Variants in PHF8 observed in about 807,000 individuals in gnomAD.
PHF8 encodes PHD finger protein 8, also known as histone lysine demethylase PHF8.
Under a neutral mutation model 74.4 loss-of-function variants are expected in PHF8, and 9 were observed. That is an observed-to-expected ratio of 0.12 (90% CI 0.07 to 0.21). PHF8 has a LOEUF of 0.21. PHF8 is among the 10% of genes least tolerant of loss of function. The pLI is 1.00. For synonymous variants in PHF8, 311 were observed against 316.6 expected, an observed-to-expected ratio of 0.98 and a Z score of 0.19; for missense variants, 478 against 816.6, an observed-to-expected ratio of 0.59 and a Z score of 5.05.
At chrX:53,948,281 C>T (rs782276713) in intron 19 of PHF8, among the ~76,000 whole-genome samples, 26 of 111,676 alleles carry the variant, frequency 2.3e-4, no homozygotes, top group Admixed American at 4.7e-4. Flanking sequence ...CGGGGAATGG[C>T]GGATGTCCTT....
At chrX:54,047,267 A>T (rs2066638826), upstream of PHF8, among the ~76,000 whole-genome samples, 1 of 112,064 alleles carries the variant, frequency 8.9e-6, no homozygotes, top group Non-Finnish European at 1.9e-5. Context: ...CAGATGAGTG[A>T]GTGAAAGGGG....
chrX:53,962,809 C>T (rs369459642), intron 19 of PHF8, 35 bp downstream of exon 19: 1 of 793,289 alleles, frequency 1.3e-6, no homozygotes, highest in African/African-American at 2.1e-5. Flanking sequence ...TCCTGACCAC[C>T]CCTACAGAGT....
intron 12 of PHF8, 39 bp from the exon 13 acceptor site, chrX:53,993,942 T>C: frequency 9.9e-7 from 1 of 1,011,185 alleles, no homozygotes; most frequent in Non-Finnish European, 1.4e-6. Flanking sequence ...TAGAGCTTAC[T>C]CAAGGGTTCT....
At position 53,987,810 on chromosome X, in the gene PHF8, T is replaced by C. The variant is rs2149831744; in HGVS notation, c.1865A>G (p.Asp622Gly). Residue 622 changes from aspartate (D) to glycine (G), a missense_variant, in exon 15 of 22, where the codon GAC becomes GGC. Asp to Gly is a moderately conservative substitution (Grantham distance 94). Around this residue, in one of 9 missense-constraint regions of PHF8, gnomAD observed 153 missense variants for 164.8 expected, o/e 0.93. Coordinates refer to ENST00000338154, the MANE Select transcript of PHF8 (RefSeq NM_015107.3). ...DLDSDDELQI[D>G]ERLGKEKATL... ...CGCCTTCTCCTTTCCCAATCTCTCG[T>C]CAATCTGCAGCTCATCATCTGAATC... is the stretch of plus-strand genomic sequence containing the variant. 6 of 1,208,558 alleles carry C rather than the reference T, an allele frequency of 5.0e-6. No individual in the cohort carries two copies. In the South Asian group the frequency reaches 1.1e-4, roughly 21 times the overall value.
At chrX:54,045,012 T>A, upstream of PHF8, 1 of 641,498 alleles carries the variant, frequency 1.6e-6, no homozygotes, top group Non-Finnish European at 2.5e-6. Context: ...GCCAAGTGAC[T>A]TGAGTCCCGG....
chrX:54,007,656 A>G (rs1280189631), intron 8 of PHF8, among the ~76,000 whole-genome samples: 9 of 112,466 alleles, frequency 8.0e-5, no homozygotes, highest in African/African-American at 2.9e-4. Flanking sequence ...AAGATGTTAA[A>G]CATCAAAGGT....
intron 2 of PHF8, among the ~76,000 whole-genome samples, chrX:54,036,925 G>A (rs782172722): frequency 1.8e-3 from 195 of 106,476 alleles, no homozygotes; most frequent in African/African-American, 6.1e-3. Context: ...ACTTGAACCC[G>A]GGAGGTGGAG....
intron 2 of PHF8, among the ~76,000 whole-genome samples, chrX:54,040,958 G>A (rs916296168): frequency 1.8e-5 from 2 of 111,911 alleles, no homozygotes; most frequent in East Asian, 2.8e-4. Flanking sequence ...ACTCTGTGCC[G>A]GGCACACAAT....
chrX:53,944,324 A>G, intron 19 of PHF8, 81 bp from the exon 20 acceptor site: 1 of 708,542 alleles, frequency 1.4e-6, no homozygotes. Context: ...CAAGCTCTCC[A>G]AAGGTACTCT....
At chrX:53,972,321 CAAAAAAAAA>C (rs1236817498) in intron 18 of PHF8, among the ~76,000 whole-genome samples, 2 of 34,163 alleles carry the variant, frequency 5.9e-5, no homozygotes, top group East Asian at 1.0e-3. Flanking sequence ...GACGCTGTCT[CAAAAAAAAA>C]AAAAAAAAAA....
At chrX:54,020,777 T>TG (rs201776890) in intron 4 of PHF8, among the ~76,000 whole-genome samples, 1 of 103,304 alleles carries the variant, frequency 9.7e-6, no homozygotes, top group African/African-American at 3.5e-5. Context: ...TGAAAAGAAG[T>TG]AAAAAAAAAA....
At chrX:53,985,419 G>C (rs186390416) in intron 17 of PHF8, among the ~76,000 whole-genome samples, 192 bp from the exon 18 acceptor site, 3 of 111,316 alleles carry the variant, frequency 2.7e-5, no homozygotes, top group Non-Finnish European at 5.7e-5. Context: ...TTGCTTTCAC[G>C]AAAAGCCAGT....
Position 54,043,857 on chromosome X carries a change from T to C in PHF8, c.-188A>G. 1 of 753,638 alleles carries C rather than the reference T, an allele frequency of 1.3e-6. No homozygotes were observed. Among genetic ancestry groups the C allele is most frequent in the Non-Finnish European group, 1.6e-6 (1 of 638,380 alleles). 62.1% of individuals were successfully genotyped at this position (753,638 alleles called of 1,213,427 possible). A position where few individuals can be genotyped will look rare whatever the true frequency, so the allele number is the denominator to read the frequency against. On this transcript the variant is annotated 5_prime_UTR_variant, in exon 1 of 22. It removes an upstream start codon present in the reference 5' UTR. Coordinates refer to ENST00000338154, the MANE Select transcript of PHF8 (RefSeq NM_015107.3). ...CCAGAATCCTACAGGGACCTCCTCA[T>C]GCTTTGGGCTGCAAGGACTCCACGC...
chrX:54,012,095 CTTTGTT>C (rs1228262549), intron 7 of PHF8, among the ~76,000 whole-genome samples: 1 of 110,585 alleles, frequency 9.0e-6, no homozygotes, highest in Non-Finnish European at 1.9e-5. Flanking sequence ...AAGACTTTGT[CTTTGTT>C]TTTAAGACAA....
chrX:54,040,829 T>G (rs781846432), intron 2 of PHF8, among the ~76,000 whole-genome samples: 1 of 112,212 alleles, frequency 8.9e-6, no homozygotes, highest in South Asian at 3.7e-4. Flanking sequence ...TGATCAGCAC[T>G]AGCAAAGACA....
intron 11 of PHF8, 52 bp downstream of exon 11, chrX:53,999,818 G>T: frequency 1.3e-6 from 1 of 774,004 alleles, no homozygotes; most frequent in Non-Finnish European, 2.0e-6. Context: ...CCCAAATCCA[G>T]TCCCTACAAA....
chrX:54,031,534 G>A (rs1262457809), intron 2 of PHF8, among the ~76,000 whole-genome samples: 4 of 107,768 alleles, frequency 3.7e-5, no homozygotes, highest in Non-Finnish European at 5.7e-5. Flanking sequence ...ATGCACCAAC[G>A]GAATAACTTC....
intron 18 of PHF8, among the ~76,000 whole-genome samples, chrX:53,967,378 C>T (rs1748126676): frequency 1.8e-5 from 2 of 108,624 alleles, no homozygotes; most frequent in Admixed American, 9.4e-5. Context: ...GGGTCAGCCC[C>T]CCGCCCGGCC....
chrX:54,026,189 A>G (rs1425124689), intron 2 of PHF8, among the ~76,000 whole-genome samples: 1 of 109,888 alleles, frequency 9.1e-6, no homozygotes, highest in Non-Finnish European at 1.9e-5. Context: ...CCCCATCTCT[A>G]CTTAAAATAC....
Sources: gnomAD v4.1 joint callset for allele counts (sites outside exome capture counted in the v4.1 genomes callset) on GRCh38, gnomAD v4.1.1 for gene constraint, gnomAD v4.1.1 regional missense constraint, MANE v1.5 for transcripts, NCBI Gene and HGNC (gene_info 2026-07-23, HGNC 2026-07-21) for gene names.